SH3GL3: variants seen among roughly 807,000 people sequenced by gnomAD.
SH3GL3 encodes the protein endophilin-A3.
A neutral mutation model predicts 47.7 loss-of-function variants in SH3GL3; 33 were observed. The observed-to-expected ratio is 0.69, with a 90% confidence interval of 0.52 to 0.92. The LOEUF (loss-of-function observed/expected upper bound fraction) is 0.92, where lower values mean the gene tolerates loss of function less well. SH3GL3 is among the 40% of genes least tolerant of loss of function. The probability of loss-of-function intolerance (pLI) is 0.00; values close to 1 mark genes in which losing one functional copy is unlikely to be tolerated. For missense variants in SH3GL3, 363 were observed against 417.8 expected, an observed-to-expected ratio of 0.87 and a Z score of 1.14; for synonymous variants, 155 against 148.8, an observed-to-expected ratio of 1.04 and a Z score of -0.30.
rs1222581208 is a variant in SH3GL3, at chr15:83,448,453, T to G, written c.45+875T>G. ...GAGACATGAAATTGATGTGTGTGTG[T>G]GTGTGTGTGTGTGTGTGTGTGTGTG... On this transcript the variant is annotated intron_variant, in intron 1 of 8. Coordinates refer to ENST00000427482, the MANE Select transcript of SH3GL3 (RefSeq NM_003027.5). This position sits in a 1 kb window ranked among gnomAD's most constrained non-coding sequence, Gnocchi z 4.2. 3.3e-5 allele frequency among the ~76,000 whole-genome samples: 5 copies of G among 150,390 alleles called. No individual in the cohort carries two copies. The highest frequency in any genetic ancestry group is 5.9e-5 in the Non-Finnish European group (4 of 67,644).
At chr15:83,586,548 T>G (rs767400304) in intron 6 of SH3GL3, among the ~76,000 whole-genome samples, 5 of 152,254 alleles carry the variant, frequency 3.3e-5, no homozygotes, top group African/African-American at 9.6e-5. Flanking sequence ...AACTGTTTAA[T>G]GTACTTAATG....
intron 1 of SH3GL3, among the ~76,000 whole-genome samples, chr15:83,499,572 T>A (rs1361345313): frequency 6.6e-6 from 1 of 152,166 alleles, no homozygotes; most frequent in Non-Finnish European, 1.5e-5. Flanking sequence ...CTCACAGAGA[T>A]CCAAATCTGA....
intron 8 of SH3GL3, among the ~76,000 whole-genome samples, chr15:83,602,645 AC>A (rs1364562036): frequency 6.6e-6 from 1 of 152,134 alleles, no homozygotes; most frequent in Non-Finnish European, 1.5e-5. Context: ...GGGAACACAC[AC>A]ATTCAGGCCA....
chr15:83,606,084 C>G (rs781238974), intron 8 of SH3GL3, among the ~76,000 whole-genome samples: 3 of 152,024 alleles, frequency 2.0e-5, no homozygotes, highest in Middle Eastern at 3.4e-3. Context: ...AAAGGGGTAC[C>G]ACTTTGTGTA....
intron 1 of SH3GL3, among the ~76,000 whole-genome samples, chr15:83,507,408 T>TTTA (rs1023136574): frequency 2.0e-5 from 3 of 150,520 alleles, no homozygotes; most frequent in East Asian, 1.9e-4. Flanking sequence ...TATTCATTCC[T>TTTA]TTATTATTAT....
chr15:83,590,199 T>A (rs1290093460), intron 8 of SH3GL3, among the ~76,000 whole-genome samples: 1 of 152,198 alleles, frequency 6.6e-6, no homozygotes, highest in Non-Finnish European at 1.5e-5. Context: ...CATTTATCTT[T>A]AAACTTTGTT....
chr15:83,596,878 G>A (rs956290499), intron 8 of SH3GL3, among the ~76,000 whole-genome samples: 4 of 151,844 alleles, frequency 2.6e-5, no homozygotes, highest in African/African-American at 7.3e-5. Flanking sequence ...TCCTTCCTCG[G>A]ACAAAAAGTC....
intron 1 of SH3GL3, among the ~76,000 whole-genome samples, chr15:83,495,576 A>C (rs2042045074): frequency 6.6e-6 from 1 of 152,062 alleles, no homozygotes; most frequent in Non-Finnish European, 1.5e-5. Flanking sequence ...CTCTACCAAA[A>C]ATACAAAGAA....
chr15:83,484,073 G>A (rs1350928697), intron 1 of SH3GL3, among the ~76,000 whole-genome samples: 4 of 152,252 alleles, frequency 2.6e-5, no homozygotes, highest in Middle Eastern at 3.4e-3. Flanking sequence ...CAGTGTTTAC[G>A]AGGCTCCACT....
intron 1 of SH3GL3, among the ~76,000 whole-genome samples, chr15:83,462,840 A>G (rs1045848580): frequency 6.6e-6 from 1 of 152,202 alleles, no homozygotes; most frequent in African/African-American, 2.4e-5. Context: ...TTGTTGCTCA[A>G]ATGTGGCTAA....
intron 1 of SH3GL3, among the ~76,000 whole-genome samples, chr15:83,550,172 A>T (rs182662998): frequency 1.3e-5 from 2 of 152,328 alleles, no homozygotes; most frequent in African/African-American, 4.8e-5. Flanking sequence ...CTCCAAGCTG[A>T]TAACAACAGA....
At chr15:83,568,460 TATTAA>T (rs1690975905) in intron 3 of SH3GL3, 64 bp from the exon 4 acceptor site, 3 of 1,356,030 alleles carry the variant, frequency 2.2e-6, no homozygotes, top group Non-Finnish European at 3.1e-6. Flanking sequence ...CAGCTGCGTT[TATTAA>T]ATTCTATGTA....
chr15:83,566,365 A>AGTGTGTGTGTGT lies in SH3GL3; in HGVS notation c.187+1190_187+1201dup, dbSNP rs57323112. On this transcript the variant is annotated intron_variant, in intron 3 of 8. Transcript: ENST00000427482. ...GATGGGCAGAGAGAGAGAGAGAGAG[A>AGTGTGTGTGTGT]GTGTGTGTGTGTGTGTGTGTGTGTG... Among the ~76,000 whole-genome samples the AGTGTGTGTGTGT allele has an allele frequency of 2.8e-4, 38 of 136,694 alleles. No homozygotes were observed. In the South Asian group the frequency reaches 8.9e-3, roughly 32 times the overall value. The allele number at this position is 136,694 out of a possible 152,430, so 89.7% of individuals were successfully genotyped here. A position where few individuals can be genotyped will look rare whatever the true frequency, so the allele number is the denominator to read the frequency against.
At chr15:83,457,823 A>G (rs1479417615) in intron 1 of SH3GL3, among the ~76,000 whole-genome samples, 7 of 152,210 alleles carry the variant, frequency 4.6e-5, no homozygotes, top group Non-Finnish European at 1.0e-4. Flanking sequence ...TGATTTTTTA[A>G]AATATCTTAA....
At position 83,577,335 on chromosome 15, in the gene SH3GL3, A is replaced by G. The variant is rs143190238; in HGVS notation, c.624+594A>G. 6.8e-4 allele frequency among the ~76,000 whole-genome samples: 103 copies of G among 152,250 alleles called. 1 individual carries two copies. The highest frequency in any genetic ancestry group is 2.3e-3 in the African/African-American group (97 of 41,564). On this transcript the variant is annotated intron_variant, in intron 6 of 8. Transcript: ENST00000427482. ...GCTCTAAAGCCTTAGTTGTTATGCA[A>G]GTTTCTAGAATTTTCTCCTATCTCC...
chr15:83,547,951 G>A (rs921855376), intron 1 of SH3GL3, among the ~76,000 whole-genome samples: 2 of 150,756 alleles, frequency 1.3e-5, no homozygotes, highest in East Asian at 3.9e-4. Context: ...CCTTCTTTTG[G>A]ATTAATCCCT....
intron 1 of SH3GL3, among the ~76,000 whole-genome samples, chr15:83,540,644 G>A (rs1326643012): frequency 6.6e-6 from 1 of 151,834 alleles, no homozygotes; most frequent in African/African-American, 2.4e-5. Flanking sequence ...ATTTCTATGG[G>A]TACATAGAGG....
chr15:83,565,361 G>GT, intron 3 of SH3GL3, 155 bp downstream of exon 3: 2 of 630,934 alleles, frequency 3.2e-6, no homozygotes, highest in Non-Finnish European at 2.9e-6. Context: ...ACCAAAGGTA[G>GT]TTGCATTCGG....
intron 3 of SH3GL3, among the ~76,000 whole-genome samples, chr15:83,566,346 C>CAGAGAGAG (rs147698292): frequency 1.8e-4 from 24 of 134,384 alleles, no homozygotes; most frequent in East Asian, 4.3e-4. Flanking sequence ...GAAAGATGGG[C>CAGAGAGAG]AGAGAGAGAG....
Sources: gnomAD v4.1 joint callset for allele counts (sites outside exome capture counted in the v4.1 genomes callset) on GRCh38, gnomAD v4.1.1 for gene constraint, Gnocchi (gnomAD v3.1) non-coding constraint, MANE v1.5 for transcripts, NCBI Gene and HGNC (gene_info 2026-07-23, HGNC 2026-07-21) for gene names.